The following NRXN1 variants were observed in gnomAD, a reference collection of about 807,000 sequenced individuals.
NRXN1 encodes the protein neurexin-1.
A neutral mutation model predicts 150.9 loss-of-function variants in NRXN1; 39 were observed. The observed-to-expected ratio is 0.26, with a 90% CI of 0.20 to 0.34. NRXN1 has a LOEUF of 0.34. NRXN1 is among the 10% of genes least tolerant of loss of function. The probability of loss-of-function intolerance (pLI) is 1.00; values close to 1 mark genes in which losing one functional copy is unlikely to be tolerated. For missense variants in NRXN1, 1,815 were observed against 1,949.9 expected, an observed-to-expected ratio of 0.93 and a Z score of 1.30; for synonymous variants, 924 against 757.0, an observed-to-expected ratio of 1.22 and a Z score of -3.62.
intron 2 of NRXN1, among the ~76,000 whole-genome samples, chr2:50,988,681 C>T (rs1320217880): frequency 1.3e-5 from 2 of 151,970 alleles, no homozygotes; most frequent in African/African-American, 2.4e-5. Flanking sequence ...ATAAAACAAC[C>T]GAGATAACTC....
chr2:50,186,814 A>G (rs1015554798), intron 18 of NRXN1, among the ~76,000 whole-genome samples: 5 of 152,186 alleles, frequency 3.3e-5, no homozygotes, highest in African/African-American at 1.2e-4. Flanking sequence ...TTTTTAATTG[A>G]CTATTAAGAT....
intron 2 of NRXN1, among the ~76,000 whole-genome samples, chr2:51,021,526 A>G (rs1361075971): frequency 1.3e-5 from 2 of 151,098 alleles, no homozygotes; most frequent in African/African-American, 4.8e-5. Context: ...GATATCCAAA[A>G]CTGAACATAT....
intron 19 of NRXN1, among the ~76,000 whole-genome samples, chr2:50,064,779 C>T (rs1436955433): frequency 6.6e-6 from 1 of 152,098 alleles, no homozygotes; most frequent in Non-Finnish European, 1.5e-5. Context: ...AAGAAAGCAA[C>T]ATTCATTTAA....
intron 10 of NRXN1, among the ~76,000 whole-genome samples, chr2:50,532,896 C>T (rs148646453): frequency 2.8e-3 from 430 of 152,194 alleles, no homozygotes; most frequent in African/African-American, 9.9e-3. Context: ...GTTCCGATAA[C>T]TCAGGATGCT....
At chr2:50,893,581 G>A (rs1681426285) in intron 5 of NRXN1, among the ~76,000 whole-genome samples, 1 of 152,116 alleles carries the variant, frequency 6.6e-6, no homozygotes, top group Admixed American at 6.5e-5. Context: ...TAACTCAAGT[G>A]TCGGTGCAGG....
At chr2:50,792,920 G>C (rs1706261976) in intron 5 of NRXN1, among the ~76,000 whole-genome samples, 2 of 152,070 alleles carry the variant, frequency 1.3e-5, no homozygotes, top group African/African-American at 4.8e-5. Flanking sequence ...ATTGAGATTT[G>C]AGCACTGATA....
chr2:49,945,391 CTTTTTT>C (rs200640344), intron 21 of NRXN1, among the ~76,000 whole-genome samples: 2 of 140,684 alleles, frequency 1.4e-5, no homozygotes, highest in Non-Finnish European at 1.6e-5. Context: ...GGGGTTTTCT[CTTTTTT>C]TTTTTTTATT....
chr2:50,199,566 A>ACACACG (rs912023521), intron 18 of NRXN1, among the ~76,000 whole-genome samples: 1 of 143,124 alleles, frequency 7.0e-6, no homozygotes. Flanking sequence ...ACACACACAC[A>ACACACG]CATGCACACT....
intron 2 of NRXN1, among the ~76,000 whole-genome samples, chr2:50,928,494 C>T (rs1383262624): frequency 2.0e-5 from 3 of 151,996 alleles, no homozygotes; most frequent in East Asian, 1.9e-4. Flanking sequence ...GTGGTAGCTC[C>T]AGCATTTACA....
At chr2:50,361,906 CA>C (rs1208818873) in intron 17 of NRXN1, among the ~76,000 whole-genome samples, 2 of 152,194 alleles carry the variant, frequency 1.3e-5, no homozygotes, top group African/African-American at 4.8e-5. Flanking sequence ...CCACCACGAT[CA>C]AGTCAGCTTC....
intron 17 of NRXN1, chr2:50,417,327 T>C (rs1441710223): frequency 6.6e-6 from 1 of 152,130 alleles, no homozygotes; most frequent in Non-Finnish European, 1.5e-5. Context: ...CTGAATGCTG[T>C]GTACTATTTT....
rs925943737 is a variant in NRXN1 at position 50,347,097 on chromosome 2, G to T, written c.3365-110127C>A. 1.4e-5 allele frequency: 19 copies of T among 1,386,526 alleles called. No individual in the cohort carries two copies. Among genetic ancestry groups the T allele is most frequent in the Admixed American group, 4.3e-5 (2 of 46,346 alleles). 85.9% of individuals were successfully genotyped at this position (1,386,526 alleles called of 1,614,324 possible). ...AGGGCACCCATCCTCTCCCTCCTTCGGACAGTCTTCTCGGGGTCCTGGAGT... is the reference window on the plus strand; with the variant it reads ...AGGGCACCCATCCTCTCCCTCCTTCTGACAGTCTTCTCGGGGTCCTGGAGT... On this transcript the variant is annotated intron_variant, in intron 17 of 22. Coordinates refer to ENST00000401669, the MANE Select transcript of NRXN1 (RefSeq NM_001330078.2). This position sits in a 1 kb window ranked among gnomAD's most constrained non-coding sequence, Gnocchi z 4.9.
chr2:50,126,432 G>T (rs1368654686), intron 18 of NRXN1, among the ~76,000 whole-genome samples: 1 of 151,924 alleles, frequency 6.6e-6, no homozygotes, highest in Non-Finnish European at 1.5e-5. Context: ...GAGATTTTTG[G>T]TTGAGAAAAA....
Position 51,028,012 on chromosome 2 carries a change from G to T in NRXN1, c.262C>A (p.Arg88Ser). The change falls in exon 2 of 23, where the codon CGC (arginine) becomes AGC (serine). Residue 88 changes from arginine to serine, a missense_variant. By Grantham distance (110) the Arg-to-Ser change is moderately radical (BLOSUM62 -1). Transcript: ENST00000401669. The stretch of plus-strand genomic sequence containing the variant: ...AAGATGGAGAAGCTGAGCTGCAGGC[G>T]GCCGCCGCGCGTCAGAATCAGCTCC... ...FLELILTRGGRLQLSFSIFCA... is the reference protein window; with the variant it reads ...FLELILTRGGSLQLSFSIFCA... 6.3e-7 allele frequency: 1 copy of T among 1,599,526 alleles called. No homozygotes were observed. The highest frequency in any genetic ancestry group is 8.5e-7 in the Non-Finnish European group (1 of 1,177,830).
At chr2:50,898,255 C>G (rs575302577) in intron 5 of NRXN1, among the ~76,000 whole-genome samples, 5 of 152,100 alleles carry the variant, frequency 3.3e-5, no homozygotes, top group Non-Finnish European at 7.4e-5. Context: ...TTATACAGTT[C>G]ATTCCCTCTT....
At chr2:50,913,259 G>A (rs1240118317) in intron 5 of NRXN1, among the ~76,000 whole-genome samples, 5 of 151,716 alleles carry the variant, frequency 3.3e-5, no homozygotes, top group Non-Finnish European at 7.4e-5. Flanking sequence ...AAATCCTATG[G>A]CTAACTTGTG....
At chr2:50,478,558 T>TATTA (rs151299116) in intron 15 of NRXN1, among the ~76,000 whole-genome samples, 3,674 of 152,306 alleles carry the variant, frequency 0.024, 150 homozygotes, top group African/African-American at 0.084. Context: ...CAGCTTGATT[T>TATTA]ATTGTTTTTT....
chr2:50,092,526 G>A (rs546901611), intron 18 of NRXN1, among the ~76,000 whole-genome samples: 5 of 152,182 alleles, frequency 3.3e-5, no homozygotes, highest in African/African-American at 1.2e-4. Flanking sequence ...AGGAAGAAGG[G>A]TTTAAAGTAC....
At chr2:51,022,033 T>A (rs778317359) in intron 2 of NRXN1, among the ~76,000 whole-genome samples, 8 of 152,038 alleles carry the variant, frequency 5.3e-5, no homozygotes, top group Admixed American at 1.3e-4. Context: ...CAGAGGCTCG[T>A]TGTCTTTATA....
Sources: gnomAD v4.1 joint callset for allele counts (sites outside exome capture counted in the v4.1 genomes callset) on GRCh38, gnomAD v4.1.1 for gene constraint, Gnocchi (gnomAD v3.1) non-coding constraint, MANE v1.5 for transcripts, NCBI Gene and HGNC (gene_info 2026-07-23, HGNC 2026-07-21) for gene names.